Variants in XKR6 observed in about 807,000 individuals in gnomAD.
XKR6 encodes XK-related protein 6.
In XKR6, 22 loss-of-function variants were observed where a neutral mutation model predicts 56.7. The ratio of observed to expected loss-of-function variants is 0.39; its 90% CI spans 0.28 to 0.55. The LOEUF (loss-of-function observed/expected upper bound fraction) is 0.55. XKR6 is among the 20% of genes least tolerant of loss of function. XKR6 has a pLI of 0.66. For synonymous variants in XKR6, 524 were observed against 387.8 expected (o/e 1.35, Z -4.13); for missense variants, 852 against 889.0 (o/e 0.96, Z 0.53).
At position 11,083,427 on chromosome 8, in the gene XKR6, G is replaced by A. The variant is rs1461931615; in HGVS notation, c.764+117149C>T. Among the ~76,000 whole-genome samples, 3 of 152,276 alleles carry A rather than the reference G, an allele frequency of 2.0e-5. No homozygotes were observed. In the East Asian group the frequency reaches 5.8e-4, roughly 29 times the overall value. On this transcript the variant is annotated intron_variant, in intron 1 of 2. Transcript: ENST00000416569. ...ACCTGTCAGGGAATGTCACCACTGC[G>A]CCCTCACACCGATCGCCCCTGGGAC...
intron 1 of XKR6, among the ~76,000 whole-genome samples, chr8:11,190,557 T>C (rs1226497423): frequency 6.6e-6 from 1 of 152,176 alleles, no homozygotes. Flanking sequence ...AGCTGTTTGA[T>C]TCATCAGCAG....
chr8:11,082,180 T>C (rs2129170141), intron 1 of XKR6, among the ~76,000 whole-genome samples: 1 of 152,256 alleles, frequency 6.6e-6, no homozygotes, highest in South Asian at 2.1e-4. Context: ...GCTCTGTACA[T>C]AGAAAAGGTG....
At chr8:11,096,507 G>A (rs1053306244) in intron 1 of XKR6, among the ~76,000 whole-genome samples, 1 of 152,322 alleles carries the variant, frequency 6.6e-6, no homozygotes, top group Non-Finnish European at 1.5e-5. Context: ...ACTGCACAAC[G>A]AAGGCATTGG....
chr8:11,087,485 A>C (rs1025891915), intron 1 of XKR6, among the ~76,000 whole-genome samples: 1 of 152,312 alleles, frequency 6.6e-6, no homozygotes, highest in East Asian at 1.9e-4. Context: ...GGAGACATGG[A>C]GAAGGCTGGC....
At chr8:10,987,878 G>T (rs185915767) in intron 1 of XKR6, among the ~76,000 whole-genome samples, 75 of 152,192 alleles carry the variant, frequency 4.9e-4, no homozygotes, top group African/African-American at 1.8e-3. Context: ...CAGAATCCTG[G>T]GCTACTGTCT....
At chr8:11,128,904 T>C (rs1333837354) in intron 1 of XKR6, 2 of 456,814 alleles carry the variant, frequency 4.4e-6, no homozygotes, top group Admixed American at 2.3e-5. Context: ...TGCTAACTGA[T>C]TTCCTTTTAA....
intron 1 of XKR6, among the ~76,000 whole-genome samples, chr8:11,197,098 T>C (rs985375321): frequency 6.6e-6 from 1 of 152,132 alleles, no homozygotes; most frequent in African/African-American, 2.4e-5. Flanking sequence ...TCCTTTTTAC[T>C]CTCCTGAAGG....
chr8:11,132,952 A>G (rs2116902698), intron 1 of XKR6, among the ~76,000 whole-genome samples: 1 of 152,256 alleles, frequency 6.6e-6, no homozygotes, highest in Non-Finnish European at 1.5e-5. Context: ...AGATACAAGT[A>G]AAAAAGAAGA....
intron 1 of XKR6, among the ~76,000 whole-genome samples, chr8:11,173,180 CAA>C (rs1283535620): frequency 4.2e-5 from 5 of 120,218 alleles, no homozygotes; most frequent in Admixed American, 1.7e-4. Flanking sequence ...CTAAAAAATA[CAA>C]AAAAAAAAAA....
In XKR6 at chr8:10,953,042, G is replaced by A. The variant is rs954755280; in HGVS notation, c.765-28212C>T. Among the ~76,000 whole-genome samples, 4 of 152,072 alleles carry A rather than the reference G, an allele frequency of 2.6e-5. No homozygotes were observed. In the East Asian group the frequency reaches 5.8e-4, roughly 22 times the overall value. ...TCACTGTCTCCATCACCTCCAGATG[G>A]GACCATCTAGTTGTAGGAAAACAAG... is the stretch of plus-strand genomic sequence containing the variant. On this transcript the variant is annotated intron_variant, in intron 1 of 2. Coordinates refer to ENST00000416569, the MANE Select transcript of XKR6 (RefSeq NM_173683.4).
At chr8:11,021,065 C>T (rs1379126740) in intron 1 of XKR6, among the ~76,000 whole-genome samples, 1 of 152,116 alleles carries the variant, frequency 6.6e-6, no homozygotes, top group Non-Finnish European at 1.5e-5. Context: ...GCAAATGCTT[C>T]TGGCTTTAAG....
Position 10,949,553 on chromosome 8 carries a change from C to T in XKR6, c.765-24723G>A, listed in dbSNP as rs569898092. 1.3e-4 allele frequency among the ~76,000 whole-genome samples: 20 copies of T among 152,350 alleles called. No homozygotes were observed. The South Asian group carries it at 2.1e-3, about 16-fold the overall frequency. On this transcript the variant is annotated intron_variant, in intron 1 of 2. Coordinates refer to ENST00000416569, the MANE Select transcript of XKR6 (RefSeq NM_173683.4). ...CCTGAAAAGAGGGCAGGGAGGCCTC[C>T]GATGTGCCAGGCACGGAGCCAGACA...
intron 1 of XKR6, among the ~76,000 whole-genome samples, chr8:11,034,948 C>T (rs1799099423): frequency 6.6e-6 from 1 of 152,210 alleles, no homozygotes; most frequent in South Asian, 2.1e-4. Flanking sequence ...TGAGAGGCCA[C>T]ATATGGTGGG....
chr8:11,073,303 C>G (rs1322707630), intron 1 of XKR6, among the ~76,000 whole-genome samples: 4 of 152,166 alleles, frequency 2.6e-5, no homozygotes, highest in African/African-American at 2.4e-5. Context: ...TAAGCAAACA[C>G]TGGCAGAGGG....
intron 1 of XKR6, among the ~76,000 whole-genome samples, chr8:10,996,048 G>C (rs1368447827): frequency 6.6e-6 from 1 of 152,286 alleles, no homozygotes; most frequent in African/African-American, 2.4e-5. Context: ...CAAGGATCTG[G>C]AATTCTACAC....
chr8:11,100,492 G>A (rs1044458897), intron 1 of XKR6, among the ~76,000 whole-genome samples: 3 of 152,162 alleles, frequency 2.0e-5, no homozygotes, highest in African/African-American at 7.2e-5. Flanking sequence ...ACAAACTATC[G>A]TGAGATCTTA....
chr8:10,963,936 T>C (rs908931069), intron 1 of XKR6, among the ~76,000 whole-genome samples: 2 of 152,214 alleles, frequency 1.3e-5, no homozygotes, highest in African/African-American at 4.8e-5. Context: ...TGAGTGCCAC[T>C]AGGCAAGTTA....
intron 1 of XKR6, among the ~76,000 whole-genome samples, chr8:11,135,957 T>C (rs957175277): frequency 5.9e-5 from 9 of 152,166 alleles, no homozygotes; most frequent in African/African-American, 2.2e-4. Context: ...GATTAATATA[T>C]TGTTTATATA....
intron 2 of XKR6, among the ~76,000 whole-genome samples, chr8:10,912,026 G>C (rs1469410144): frequency 6.7e-6 from 1 of 150,050 alleles, no homozygotes; most frequent in Non-Finnish European, 1.5e-5. Context: ...GCAAGAGAGG[G>C]TGAGTATATA....
Sources: gnomAD v4.1 joint callset for allele counts (sites outside exome capture counted in the v4.1 genomes callset) on GRCh38, gnomAD v4.1.1 for gene constraint, MANE v1.5 for transcripts, NCBI Gene and HGNC (gene_info 2026-07-23, HGNC 2026-07-21) for gene names.